Variants in PRKCZ observed in about 807,000 individuals in gnomAD.
PRKCZ encodes protein kinase C zeta type.
Under a neutral mutation model 79.5 loss-of-function variants are expected in PRKCZ, and 33 were observed. That is an observed-to-expected ratio of 0.41 (90% confidence interval 0.31 to 0.55). The LOEUF (loss-of-function observed/expected upper bound fraction) is 0.55. Among genes scored for constraint, PRKCZ ranks in the 20% least tolerant of loss-of-function variants. The pLI is 0.19. For missense variants in PRKCZ, 578 were observed against 813.5 expected, an observed-to-expected ratio of 0.71 and a Z score of 3.52; for synonymous variants, 342 against 320.9, an observed-to-expected ratio of 1.07 and a Z score of -0.70.
intron 1 of PRKCZ, among the ~76,000 whole-genome samples, chr1:2,052,292 G>T (rs1208143393): frequency 1.3e-5 from 2 of 152,126 alleles, no homozygotes; most frequent in African/African-American, 4.8e-5. Flanking sequence ...CCTTGCTTTG[G>T]CCCCTGGGAG....
intron 9 of PRKCZ, among the ~76,000 whole-genome samples, chr1:2,152,220 T>C (rs1680037530): frequency 6.6e-6 from 1 of 152,142 alleles, no homozygotes; most frequent in South Asian, 2.1e-4. Flanking sequence ...ACACATGACA[T>C]AGAATTTGCC....
At chr1:2,064,314 G>A in intron 4 of PRKCZ, among the ~76,000 whole-genome samples, 1 of 152,232 alleles carries the variant, frequency 6.6e-6, no homozygotes, top group African/African-American at 2.4e-5. Context: ...CTGCTTTGTG[G>A]GTTGTTTTTT....
intron 3 of PRKCZ, 133 bp downstream of exon 3, chr1:2,056,706 G>T: frequency 2.8e-6 from 2 of 719,594 alleles, no homozygotes; most frequent in Non-Finnish European, 2.1e-6. Flanking sequence ...CTAATATAAT[G>T]CCATTTGGGT....
At chr1:2,114,244 G>A (rs1477275035) in intron 4 of PRKCZ, among the ~76,000 whole-genome samples, 2 of 149,900 alleles carry the variant, frequency 1.3e-5, no homozygotes, top group Non-Finnish European at 2.9e-5. Flanking sequence ...TGTTGAGAAC[G>A]TGCTCTCCAG....
At chr1:2,059,712 C>T in intron 4 of PRKCZ, 121 bp downstream of exon 4, 1 of 1,329,882 alleles carries the variant, frequency 7.5e-7, no homozygotes, top group African/African-American at 1.5e-5. Context: ...AGCGTCAGGG[C>T]AGGAGCAGCC....
intron 4 of PRKCZ, chr1:2,073,713 A>C (rs1056840897): frequency 1.0e-4 from 100 of 998,156 alleles, no homozygotes; most frequent in Non-Finnish European, 1.1e-4. Flanking sequence ...CCGGGCCTGG[A>C]GACATGAGGA....
intron 5 of PRKCZ, among the ~76,000 whole-genome samples, chr1:2,140,687 G>A (rs563490668): frequency 6.6e-6 from 1 of 152,158 alleles, no homozygotes; most frequent in African/African-American, 2.4e-5. Context: ...TGAGCAGGGA[G>A]GCCAGGTGCA....
intron 3 of PRKCZ, among the ~76,000 whole-genome samples, chr1:2,058,876 C>T (rs1035248465): frequency 6.6e-6 from 1 of 152,086 alleles, no homozygotes; most frequent in Non-Finnish European, 1.5e-5. Flanking sequence ...AGCCTGGGCA[C>T]AGAGTGAGAC....
intron 16 of PRKCZ, among the ~76,000 whole-genome samples, chr1:2,183,317 A>T (rs1687007500): frequency 6.6e-6 from 1 of 151,616 alleles, no homozygotes; most frequent in Admixed American, 6.6e-5. Context: ...AATAGCTTGA[A>T]TCGGAGTCAG....
intron 4 of PRKCZ, among the ~76,000 whole-genome samples, chr1:2,133,474 C>T (rs1284682961): frequency 2.0e-5 from 3 of 147,762 alleles, no homozygotes; most frequent in African/African-American, 7.6e-5. Context: ...CCCAGCTGTG[C>T]GCCCGCCCCT....
chr1:2,137,905 C>G (rs1676543222), intron 5 of PRKCZ, among the ~76,000 whole-genome samples: 1 of 152,224 alleles, frequency 6.6e-6, no homozygotes. Context: ...GAGCCAGTTT[C>G]ACAAACACAG....
At chr1:2,175,355 C>A (rs773945330) in intron 16 of PRKCZ, 42 bp downstream of exon 16, 1 of 1,532,086 alleles carries the variant, frequency 6.5e-7, no homozygotes, top group South Asian at 1.1e-5. Flanking sequence ...ATCCCCATCC[C>A]AACCCCAAAT....
In PRKCZ at chr1:2,149,362, C is replaced by T. The variant is rs1477593889; in HGVS notation, c.687+438C>T. 1.3e-5 allele frequency among the ~76,000 whole-genome samples: 2 copies of T among 152,240 alleles called. No individual in the cohort carries two copies. Among genetic ancestry groups the T allele is most frequent in the African/African-American group, 2.4e-5 (1 of 41,466 alleles). ...CTTGAGCCAAGAGGCTCAACTGAGC[C>T]TCACGTCTGTGGCCAGCTCTGCACC... is the stretch of plus-strand genomic sequence containing the variant. On this transcript the variant is annotated intron_variant, in intron 8 of 17. Transcript: ENST00000378567. This position sits in a 1 kb window ranked among gnomAD's most constrained non-coding sequence, Gnocchi z 4.1.
chr1:2,089,929 G>T (rs750103096), intron 4 of PRKCZ, among the ~76,000 whole-genome samples: 6 of 152,120 alleles, frequency 3.9e-5, no homozygotes, highest in Non-Finnish European at 5.9e-5. Flanking sequence ...TTTATTCTCT[G>T]TCTGGAGACC....
At chr1:2,182,058 G>A (rs72637873) in intron 16 of PRKCZ, 250 of 328,582 alleles carry the variant, frequency 7.6e-4, no homozygotes, top group Non-Finnish European at 1.3e-3. Context: ...CCAGCCTTAC[G>A]TGGAAGGATT....
At chr1:2,112,329 G>A (rs900063209) in intron 4 of PRKCZ, among the ~76,000 whole-genome samples, 4 of 152,216 alleles carry the variant, frequency 2.6e-5, no homozygotes, top group South Asian at 4.1e-4. Context: ...AAACGGCACA[G>A]TGCACCTTCT....
Position 2,121,662 on chromosome 1 carries a change from AGGGTCGTGGTGG to A in PRKCZ, c.335-13599_335-13588del, listed in dbSNP as rs1557612789. Among the ~76,000 whole-genome samples the A allele has an allele frequency of 1.8e-4, 25 of 136,228 alleles. 5 individuals carry two copies. Among genetic ancestry groups the A allele is most frequent in the African/African-American group, 6.1e-4 (22 of 36,076 alleles). 89.4% of individuals were successfully genotyped at this position (136,228 alleles called of 152,430 possible). On this transcript the variant is annotated intron_variant, in intron 4 of 17. Coordinates refer to ENST00000378567, the MANE Select transcript of PRKCZ (RefSeq NM_002744.6). ...GGTAGTTAGGGTCACGGTGGTGGTT[AGGGTCGTGGTGG>A]TGGTTAGGGTCACGGTGGTGGTTAG...
At chr1:2,147,706 C>T (rs549111915) in intron 7 of PRKCZ, among the ~76,000 whole-genome samples, 3 of 118,520 alleles carry the variant, frequency 2.5e-5, no homozygotes, top group African/African-American at 1.3e-4. Context: ...CTGACCTGTC[C>T]ACCCATCTGT....
intron 16 of PRKCZ, among the ~76,000 whole-genome samples, chr1:2,176,398 G>A (rs903540968): frequency 2.0e-5 from 3 of 152,120 alleles, no homozygotes; most frequent in East Asian, 1.9e-4. Context: ...AGCGCCGCTC[G>A]GTCGTGGGTT....
Sources: allele counts gnomAD v4.1 joint callset (sites outside exome capture counted in the v4.1 genomes callset), GRCh38; gene constraint gnomAD v4.1.1; non-coding constraint Gnocchi (gnomAD v3.1); transcripts MANE v1.5; gene names NCBI Gene and HGNC (gene_info 2026-07-23, HGNC 2026-07-21).